Variants in EFCAB14 observed in about 807,000 individuals in gnomAD.
EFCAB14 encodes EF-hand calcium binding domain 14, also known as EF-hand calcium-binding domain-containing protein 14.
EFCAB14 carries 43 observed loss-of-function variants against 56.5 expected under a neutral mutation model. That is an observed-to-expected ratio of 0.76 (90% confidence interval 0.60 to 0.98). EFCAB14 has a LOEUF of 0.98. EFCAB14 is among the 50% of genes least tolerant of loss of function. The pLI is 0.00. For synonymous variants in EFCAB14, 235 were observed against 212.9 expected (o/e 1.10, Z -0.90); for missense variants, 538 against 580.3 (o/e 0.93, Z 0.75).
chr1:46,717,410 C>T (rs1304495560), intron 1 of EFCAB14, among the ~76,000 whole-genome samples: 3 of 152,142 alleles, frequency 2.0e-5, no homozygotes, highest in Admixed American at 6.5e-5. Context: ...GAAAATGATG[C>T]CTCTTCTTTT....
rs1308360695 is a variant in EFCAB14 at position 46,718,715 on chromosome 1, GGTGT to G, written c.-632_-629del. The G allele has an allele frequency of 6.6e-6, 1 of 152,374 alleles. No individual in the cohort carries two copies. The highest frequency in any genetic ancestry group is 1.5e-5 in the Non-Finnish European group (1 of 68,198). 9.4% of individuals were successfully genotyped at this position (152,374 alleles called of 1,614,324 possible). A position where few individuals can be genotyped will look rare whatever the true frequency, so the allele number is the denominator to read the frequency against. ...ATGCCCTGGCCAGGAAGCCGGCTGG[GGTGT>G]GTGATGATCACCGTTCTCCGGCCTC... On this transcript the variant is annotated 5_prime_UTR_variant, in exon 1 of 11. Transcript: ENST00000371933.
At chr1:46,703,278 T>C (rs113053257) in intron 3 of EFCAB14, among the ~76,000 whole-genome samples, 3 of 152,082 alleles carry the variant, frequency 2.0e-5, no homozygotes, top group Admixed American at 6.5e-5. Flanking sequence ...CCTGGCTAAT[T>C]TTTGTATTTT....
rs920057963 is a variant in EFCAB14, at chr1:46,686,573, C to A, written c.1074+211G>T. The stretch of plus-strand genomic sequence containing the variant: ...ACATGTCTGCCTTGCTCACTATGGT[C>A]CCCCCAGCTCCTACTAAAGTGTTTG... On this transcript the variant is annotated intron_variant, in intron 8 of 10. Transcript: ENST00000371933. The A allele has an allele frequency of 1.6e-5, 9 of 555,060 alleles. No individual in the cohort carries two copies. The South Asian group carries it at 1.7e-4, about 10-fold the overall frequency. 34.4% of individuals were successfully genotyped at this position (555,060 alleles called of 1,614,324 possible).
chr1:46,678,290 T>C lies in EFCAB14; in HGVS notation c.*171A>G. 3.9e-6 allele frequency: 2 copies of C among 508,782 alleles called. No homozygotes were observed. The highest frequency in any genetic ancestry group is 3.9e-5 in the South Asian group (1 of 25,714). The allele number at this position is 508,782 out of a possible 1,614,324, so 31.5% of individuals were successfully genotyped here. On this transcript the variant is annotated 3_prime_UTR_variant, in exon 11 of 11. Coordinates refer to ENST00000371933, the MANE Select transcript of EFCAB14 (RefSeq NM_014774.3). ...TCTGAACATCATAAGTAAAATGGTC[T>C]TCTTCTTTAAAAAAATAACTTTTAT...
chr1:46,718,377 G>A lies in EFCAB14; in HGVS notation c.-290C>T, dbSNP rs1428193421. The stretch of plus-strand genomic sequence containing the variant: ...GTGCAGAGTGTTAGTAGAGGGTGGA[G>A]AGGGACCTTTATCTCCCAAAGGGCG... On this transcript the variant is annotated 5_prime_UTR_variant, in exon 1 of 11. Coordinates refer to ENST00000371933, the MANE Select transcript of EFCAB14 (RefSeq NM_014774.3). The A allele has an allele frequency of 7.2e-6, 2 of 276,586 alleles. No homozygotes were observed. Among genetic ancestry groups the A allele is most frequent in the African/African-American group, 2.2e-5 (1 of 46,254 alleles). 17.1% of individuals were successfully genotyped at this position (276,586 alleles called of 1,614,324 possible). A position where few individuals can be genotyped will look rare whatever the true frequency, so the allele number is the denominator to read the frequency against.
At chr1:46,692,109 G>T in intron 4 of EFCAB14, 172 bp from the exon 5 acceptor site, 1 of 497,566 alleles carries the variant, frequency 2.0e-6, no homozygotes, top group Non-Finnish European at 3.5e-6. Context: ...GTTTCCTCAT[G>T]ACTCTCTGTA....
chr1:46,682,721 C>T (rs568689905), intron 10 of EFCAB14, among the ~76,000 whole-genome samples: 1 of 152,170 alleles, frequency 6.6e-6, no homozygotes, highest in South Asian at 2.1e-4. Context: ...ATATAGTACA[C>T]TGGTTAAAAG....
chr1:46,679,985 C>G (rs1676766297), intron 10 of EFCAB14, among the ~76,000 whole-genome samples: 1 of 151,998 alleles, frequency 6.6e-6, no homozygotes, highest in Non-Finnish European at 1.5e-5. Context: ...GCTCAAGAAC[C>G]AGTGACTCAA....
intron 1 of EFCAB14, among the ~76,000 whole-genome samples, chr1:46,717,494 A>G (rs899413632): frequency 1.3e-5 from 2 of 152,156 alleles, no homozygotes; most frequent in Admixed American, 1.3e-4. Context: ...CCCACCACCA[A>G]TATTCAGACT....
intron 4 of EFCAB14, 103 bp downstream of exon 4, chr1:46,696,448 C>A: frequency 2.7e-6 from 3 of 1,097,158 alleles, no homozygotes; most frequent in South Asian, 2.9e-5. Context: ...ATTTCAAATG[C>A]TAGGCTTTCA....
intron 6 of EFCAB14, 132 bp from the exon 7 acceptor site, chr1:46,688,676 C>T (rs1416177293): frequency 3.8e-6 from 3 of 793,054 alleles, no homozygotes; most frequent in South Asian, 1.9e-5. Context: ...GACCATCAAT[C>T]GTCTGTCTTT....
chr1:46,693,330 T>G (rs1181731658), intron 4 of EFCAB14, among the ~76,000 whole-genome samples: 8 of 152,240 alleles, frequency 5.3e-5, no homozygotes, highest in Non-Finnish European at 1.0e-4. Flanking sequence ...AGGTCATTTT[T>G]ATTACACTGA....
At chr1:46,694,100 T>C (rs1366516769) in intron 4 of EFCAB14, among the ~76,000 whole-genome samples, 1 of 152,216 alleles carries the variant, frequency 6.6e-6, no homozygotes, top group Non-Finnish European at 1.5e-5. Flanking sequence ...AATACTTAAA[T>C]GTTAGACCTA....
chr1:46,678,622 A>G lies in EFCAB14; in HGVS notation c.1327T>C (p.Phe443Leu), dbSNP rs1487631391. The change falls in exon 11 of 11, where the codon TTC (phenylalanine) becomes CTC (leucine). Residue 443 changes from phenylalanine (F) to leucine (L), a missense_variant. Coordinates refer to ENST00000371933, the MANE Select transcript of EFCAB14 (RefSeq NM_014774.3). The part of the protein sequence containing the change: ...VSSTEDLQDL[F>L]RKTGQDVDGK... ...TCCACGTCCTGGCCAGTCTTGCGGA[A>G]TAAATCCTGAAGATCTGTCAAAAAT... The G allele has an allele frequency of 6.2e-7, 1 of 1,611,684 alleles. No individual in the cohort carries two copies. Among genetic ancestry groups the G allele is most frequent in the Non-Finnish European group, 8.5e-7 (1 of 1,178,650 alleles).
chr1:46,707,858 CCAAA>C lies in EFCAB14; in HGVS notation c.480+44_480+47del, dbSNP rs566854266. On this transcript the variant is annotated intron_variant, in intron 3 of 10. Transcript: ENST00000371933. Reference sequence around the variant, plus strand: ...TCTATATCCTATTCATACTAAACAACCAAACAAATATTCATAGCTTACACAGCAA... The same window carrying C: ...TCTATATCCTATTCATACTAAACAACCAAATATTCATAGCTTACACAGCAA... 4.6e-4 allele frequency: 729 copies of C among 1,578,712 alleles called. 2 individuals are homozygous for C. Among genetic ancestry groups the C allele is most frequent in the Admixed American group, 1.2e-4 (7 of 57,214 alleles).
intron 3 of EFCAB14, among the ~76,000 whole-genome samples, chr1:46,703,572 T>C (rs1677191371): frequency 6.6e-6 from 1 of 152,206 alleles, no homozygotes; most frequent in Non-Finnish European, 1.5e-5. Flanking sequence ...ACACATGTAT[T>C]TTTTCCATAG....
At chr1:46,706,880 T>C (rs1677240606) in intron 3 of EFCAB14, among the ~76,000 whole-genome samples, 1 of 152,240 alleles carries the variant, frequency 6.6e-6, no homozygotes, top group African/African-American at 2.4e-5. Context: ...GAAACGTTTA[T>C]GTCAGTTACA....
rs781747331 is a variant in EFCAB14, at chr1:46,675,206, T to C, written c.*3255A>G. Reference sequence around the variant, plus strand: ...TTATTTAGCTAAATTAAAATGGCTGTGTTACTTATTTGAAATATGCAAAGC... The same window carrying C: ...TTATTTAGCTAAATTAAAATGGCTGCGTTACTTATTTGAAATATGCAAAGC... On this transcript the variant is annotated 3_prime_UTR_variant, in exon 11 of 11. Transcript: ENST00000371933. 4.6e-5 allele frequency: 7 copies of C among 152,642 alleles called. No homozygotes were observed. Among genetic ancestry groups the C allele is most frequent in the Non-Finnish European group, 1.0e-4 (7 of 68,050 alleles). 9.5% of individuals were successfully genotyped at this position (152,642 alleles called of 1,614,324 possible).
At chr1:46,698,635 T>C (rs912890284) in intron 3 of EFCAB14, among the ~76,000 whole-genome samples, 5 of 152,172 alleles carry the variant, frequency 3.3e-5, no homozygotes, top group Non-Finnish European at 7.3e-5. Flanking sequence ...AGGGAACTGC[T>C]AGACCAAAAG....
Sources: gnomAD v4.1 joint callset for allele counts (sites outside exome capture counted in the v4.1 genomes callset) on GRCh38, gnomAD v4.1.1 for gene constraint, MANE v1.5 for transcripts, NCBI Gene and HGNC (gene_info 2026-07-23, HGNC 2026-07-21) for gene names.